AFAP1: variants seen among roughly 807,000 people sequenced by gnomAD.
The protein encoded by AFAP1 is actin filament associated protein 1, also known as actin filament-associated protein 1.
Under a neutral mutation model 93.9 loss-of-function variants are expected in AFAP1, and 75 were observed. The ratio of observed to expected loss-of-function variants is 0.80; its 90% CI spans 0.66 to 0.97. AFAP1 has a LOEUF of 0.97. Ranked by LOEUF, AFAP1 falls within the 50% of genes least tolerant of loss-of-function variation. AFAP1 has a pLI of 0.00. For missense variants in AFAP1, 1,201 were observed against 1,050.8 expected, an observed-to-expected ratio of 1.14 and a Z score of -1.98; for synonymous variants, 517 against 430.7, an observed-to-expected ratio of 1.20 and a Z score of -2.48.
intron 1 of AFAP1, among the ~76,000 whole-genome samples, chr4:7,888,421 G>C (rs916140654): frequency 2.0e-5 from 3 of 152,158 alleles, no homozygotes; most frequent in African/African-American, 4.8e-5. Flanking sequence ...TAAGGAGAGA[G>C]GGGACATGGG....
intron 6 of AFAP1, among the ~76,000 whole-genome samples, chr4:7,823,670 G>A (rs1721174154): frequency 6.6e-6 from 1 of 152,104 alleles, no homozygotes; most frequent in Non-Finnish European, 1.5e-5. Context: ...AAGCTTTCCT[G>A]GTACACCCAA....
chr4:7,807,328 G>A (rs1332731971), intron 9 of AFAP1, among the ~76,000 whole-genome samples: 2 of 152,182 alleles, frequency 1.3e-5, no homozygotes, highest in African/African-American at 4.8e-5. Flanking sequence ...ACTCTCAAGG[G>A]CTGATGTGAG....
intron 3 of AFAP1, among the ~76,000 whole-genome samples, chr4:7,866,516 T>C (rs1356670361): frequency 6.6e-6 from 1 of 152,198 alleles, no homozygotes; most frequent in African/African-American, 2.4e-5. Flanking sequence ...CTAACTGTTC[T>C]CAGTTCCCGC....
intron 1 of AFAP1, among the ~76,000 whole-genome samples, chr4:7,896,598 C>A (rs1210609343): frequency 1.2e-4 from 9 of 77,058 alleles, no homozygotes; most frequent in African/African-American, 3.0e-4. Context: ...CTCACTCCCC[C>A]CACACCCAGG....
At chr4:7,904,304 G>A (rs1719279230) in intron 1 of AFAP1, among the ~76,000 whole-genome samples, 1 of 151,996 alleles carries the variant, frequency 6.6e-6, no homozygotes, top group Non-Finnish European at 1.5e-5. Flanking sequence ...CTCCACACAT[G>A]ACAGACAGGT....
At chr4:7,772,184 C>CTGTT (rs1301583909) in intron 16 of AFAP1, 1 of 152,268 alleles carries the variant, frequency 6.6e-6, no homozygotes, top group Non-Finnish European at 1.5e-5. Flanking sequence ...CACTGGCTGC[C>CTGTT]TGTTCTGTCT....
chr4:7,921,252 T>C (rs6447852), intron 1 of AFAP1, among the ~76,000 whole-genome samples: 146,138 of 147,786 alleles, frequency 0.99, 72,265 homozygotes, highest in East Asian at 1. Context: ...GGTGCACTCT[T>C]GGCTCACTGC....
chr4:7,876,917 A>T (rs1055665595), intron 1 of AFAP1, among the ~76,000 whole-genome samples: 3 of 152,062 alleles, frequency 2.0e-5, no homozygotes, highest in Admixed American at 1.3e-4. Flanking sequence ...AATAAACCAT[A>T]TTTTCTACTT....
intron 1 of AFAP1, among the ~76,000 whole-genome samples, chr4:7,935,967 T>C (rs1721353776): frequency 6.6e-6 from 1 of 152,190 alleles, no homozygotes; most frequent in African/African-American, 2.4e-5. Flanking sequence ...TAATAAAATC[T>C]AGAAAACCAT....
intron 1 of AFAP1, among the ~76,000 whole-genome samples, chr4:7,886,270 G>A (rs927593981): frequency 1.3e-5 from 2 of 152,186 alleles, no homozygotes; most frequent in Non-Finnish European, 2.9e-5. Flanking sequence ...TGCAATGAAC[G>A]TCTAAGGACT....
intron 16 of AFAP1, among the ~76,000 whole-genome samples, chr4:7,770,113 G>C (rs2148954101): frequency 1.3e-5 from 2 of 152,342 alleles, no homozygotes; most frequent in East Asian, 3.9e-4. Flanking sequence ...ATGGCACCAA[G>C]GACATCCTCC....
At chr4:7,870,465 G>A (rs1312840772) in intron 2 of AFAP1, among the ~76,000 whole-genome samples, 2 of 152,274 alleles carry the variant, frequency 1.3e-5, no homozygotes, top group East Asian at 1.9e-4. Flanking sequence ...TTTGAGACCA[G>A]CGTGGACAAC....
chr4:7,826,872 A>G lies in AFAP1; in HGVS notation c.727-7701T>C, dbSNP rs1238221564. Among the ~76,000 whole-genome samples, 3 of 152,182 alleles carry G rather than the reference A, an allele frequency of 2.0e-5. No individual in the cohort carries two copies. In the East Asian group the frequency reaches 5.8e-4, roughly 29 times the overall value. Reference sequence around the variant, plus strand: ...TCTGCTGTTCTTCTACACAAAACGCATGGAATGTCATGGAAACTCCTGAGA... The same window carrying G: ...TCTGCTGTTCTTCTACACAAAACGCGTGGAATGTCATGGAAACTCCTGAGA... On this transcript the variant is annotated intron_variant, in intron 6 of 17. Transcript: ENST00000420658.
chr4:7,763,839 C>G (rs730420), intron 17 of AFAP1, 48 bp from the exon 18 acceptor site: 180,115 of 1,546,736 alleles, frequency 0.12, 11,638 homozygotes, highest in East Asian at 0.21. Flanking sequence ...GAGGATCAGG[C>G]TGGGACAAGC....
Position 7,763,663 on chromosome 4 carries a change from T to C in AFAP1, c.*102A>G, listed in dbSNP as rs1714121971. 4.9e-6 allele frequency: 7 copies of C among 1,427,068 alleles called. No homozygotes were observed. The South Asian group carries it at 7.4e-5, about 15-fold the overall frequency. The allele number at this position is 1,427,068 out of a possible 1,614,324, so 88.4% of individuals were successfully genotyped here. A position where few individuals can be genotyped will look rare whatever the true frequency, so the allele number is the denominator to read the frequency against. On this transcript the variant is annotated 3_prime_UTR_variant, in exon 18 of 18. Coordinates refer to ENST00000420658, the MANE Select transcript of AFAP1 (RefSeq NM_001134647.2). ...CTCAGTCGTGGAGCCTCTGGAGTCG[T>C]GCAGCTGAGGCCACTCTGGGCAGAG...
chr4:7,846,031 A>C (rs1234004617), intron 4 of AFAP1, among the ~76,000 whole-genome samples: 1 of 152,196 alleles, frequency 6.6e-6, no homozygotes, highest in African/African-American at 2.4e-5. Context: ...TTGCCAACCA[A>C]AGGAAAAAGT....
Position 7,762,900 on chromosome 4 carries a change from T to C in AFAP1, c.*865A>G, listed in dbSNP as rs1340563775. ...AGCCCCTGCCCCCAGAGGCTCCTGG[T>C]GTGAGAAGCACCTGCCGGCTCCGAC... On this transcript the variant is annotated 3_prime_UTR_variant, in exon 18 of 18. Transcript: ENST00000420658. The C allele has an allele frequency of 6.6e-6, 1 of 152,366 alleles. No individual in the cohort carries two copies. Among genetic ancestry groups the C allele is most frequent in the African/African-American group, 2.4e-5 (1 of 41,430 alleles). The allele number at this position is 152,366 out of a possible 1,614,324, so 9.4% of individuals were successfully genotyped here. A position where few individuals can be genotyped will look rare whatever the true frequency, so the allele number is the denominator to read the frequency against.
At chr4:7,883,136 T>C (rs944200150) in intron 1 of AFAP1, among the ~76,000 whole-genome samples, 1 of 117,840 alleles carries the variant, frequency 8.5e-6, no homozygotes, top group South Asian at 2.7e-4. Context: ...CGGTGAGCCA[T>C]AAGCGCATCA....
rs113955695 is a variant in AFAP1, at chr4:7,838,834, T to TCACACACA, written c.547-139_547-132dup. 1,148 of 744,886 alleles carry TCACACACA rather than the reference T, an allele frequency of 1.5e-3. 8 individuals carry two copies. The highest frequency in any genetic ancestry group is 0.015 in the African/African-American group (804 of 55,020). 46.1% of individuals were successfully genotyped at this position (744,886 alleles called of 1,614,324 possible). The stretch of plus-strand genomic sequence containing the variant: ...AGTCTGAATCTGCAGATGAGCAGGT[T>TCACACACA]CACACACACACACACACACACACAT... On this transcript the variant is annotated intron_variant, in intron 5 of 17. Coordinates refer to ENST00000420658, the MANE Select transcript of AFAP1 (RefSeq NM_001134647.2).
Sources: allele counts gnomAD v4.1 joint callset (sites outside exome capture counted in the v4.1 genomes callset), GRCh38; gene constraint gnomAD v4.1.1; transcripts MANE v1.5; gene names NCBI Gene and HGNC (gene_info 2026-07-23, HGNC 2026-07-21).